Variants in HOOK3 observed in about 807,000 individuals in gnomAD.
The protein encoded by HOOK3 is protein Hook homolog 3.
Under a neutral mutation model 116.3 loss-of-function variants are expected in HOOK3, and 24 were observed. The ratio of observed to expected loss-of-function variants is 0.21; its 90% CI spans 0.15 to 0.29. HOOK3 has a LOEUF of 0.29. Ranked by LOEUF, HOOK3 falls within the 10% of genes least tolerant of loss-of-function variation. The pLI is 1.00. For missense variants in HOOK3, 632 were observed against 830.2 expected (o/e 0.76, Z 2.93); for synonymous variants, 275 against 283.0 (o/e 0.97, Z 0.28).
chr8:43,005,081 A>G (rs1809452790), intron 17 of HOOK3, among the ~76,000 whole-genome samples: 1 of 150,862 alleles, frequency 6.6e-6, no homozygotes, highest in South Asian at 2.1e-4. Context: ...TAATACATCA[A>G]CACAGATGAA....
chr8:42,986,072 T>G (rs547469986), intron 14 of HOOK3, among the ~76,000 whole-genome samples: 1 of 152,338 alleles, frequency 6.6e-6, no homozygotes, highest in East Asian at 1.9e-4. Context: ...TTAATTATAT[T>G]GTCCCTGCAG....
At chr8:42,940,406 G>A (rs1808088483) in intron 4 of HOOK3, among the ~76,000 whole-genome samples, 1 of 152,254 alleles carries the variant, frequency 6.6e-6, no homozygotes, top group Admixed American at 6.5e-5. Context: ...CAGGCAGGGA[G>A]GTTGCAGTGA....
intron 15 of HOOK3, among the ~76,000 whole-genome samples, chr8:42,989,770 T>C (rs1411001232): frequency 6.6e-6 from 1 of 152,132 alleles, no homozygotes; most frequent in Admixed American, 6.6e-5. Context: ...AACCATCCCA[T>C]CTACTCTCAA....
chr8:42,921,175 T>A (rs559089043), intron 2 of HOOK3, among the ~76,000 whole-genome samples: 80 of 151,980 alleles, frequency 5.3e-4, no homozygotes, highest in African/African-American at 1.8e-3. Flanking sequence ...TTTTTTTTTT[T>A]AAAGTAAGGG....
chr8:42,909,128 A>G (rs1032027996), intron 2 of HOOK3, among the ~76,000 whole-genome samples: 2 of 152,258 alleles, frequency 1.3e-5, no homozygotes, highest in Non-Finnish European at 2.9e-5. Context: ...ACCTATCAGA[A>G]TGGCTGTTAT....
Position 42,957,871 on chromosome 8 carries a change from C to T in HOOK3, c.531+715C>T, listed in dbSNP as rs1446394068. ...TTGACACGGAGTCTTGGTCTATCGC[C>T]CAGGCTGGAGTGCAGTGGCGCAATC... is the stretch of plus-strand genomic sequence containing the variant. On this transcript the variant is annotated intron_variant, in intron 7 of 21. Coordinates refer to ENST00000307602, the MANE Select transcript of HOOK3 (RefSeq NM_032410.4). Among the ~76,000 whole-genome samples the T allele has an allele frequency of 2.0e-5, 3 of 150,504 alleles. No homozygotes were observed. The East Asian group carries it at 5.8e-4, about 29-fold the overall frequency.
At chr8:43,005,027 A>C (rs1324460956) in intron 17 of HOOK3, among the ~76,000 whole-genome samples, 13 of 152,066 alleles carry the variant, frequency 8.5e-5, no homozygotes, top group Admixed American at 8.5e-4. Context: ...ATATTCAAAC[A>C]ATAGAATACC....
intron 15 of HOOK3, among the ~76,000 whole-genome samples, chr8:42,988,877 A>G (rs956824778): frequency 5.9e-5 from 9 of 152,296 alleles, no homozygotes; most frequent in Non-Finnish European, 1.2e-4. Context: ...TTTTTCTCCT[A>G]AATGACTTAC....
At chr8:43,008,657 A>ATTTTATT (rs1554516127) in intron 18 of HOOK3, among the ~76,000 whole-genome samples, 4 of 143,810 alleles carry the variant, frequency 2.8e-5, no homozygotes, top group African/African-American at 1.0e-4. Context: ...TTTTATTTTT[A>ATTTTATT]TTTTTATTTT....
intron 1 of HOOK3, among the ~76,000 whole-genome samples, chr8:42,900,161 A>G (rs1465139795): frequency 1.3e-5 from 2 of 152,210 alleles, no homozygotes; most frequent in Non-Finnish European, 2.9e-5. Context: ...GTTAAGTATC[A>G]TCTTACCAAG....
intron 1 of HOOK3, among the ~76,000 whole-genome samples, chr8:42,902,358 AC>A (rs960058524): frequency 6.7e-6 from 1 of 148,960 alleles, no homozygotes; most frequent in African/African-American, 2.5e-5. Flanking sequence ...TGCAGTCCCG[AC>A]CCCCCAGGCT....
At chr8:42,942,910 A>G (rs939183571) in intron 4 of HOOK3, among the ~76,000 whole-genome samples, 5 of 152,106 alleles carry the variant, frequency 3.3e-5, no homozygotes, top group Non-Finnish European at 7.4e-5. Context: ...TGTTTTGGGA[A>G]TCAAGTGGGA....
At chr8:42,986,601 T>TA (rs1218469737) in intron 14 of HOOK3, 54 bp from the exon 15 acceptor site, 9 of 1,412,858 alleles carry the variant, frequency 6.4e-6, no homozygotes, top group African/African-American at 1.4e-5. Context: ...TGTTGTATAT[T>TA]AATGCACCAA....
rs1462734225 is a variant in HOOK3, at chr8:43,025,944, G to C, written c.*7446G>C. On this transcript the variant is annotated 3_prime_UTR_variant, in exon 22 of 22. Coordinates refer to ENST00000307602, the MANE Select transcript of HOOK3 (RefSeq NM_032410.4). ...AATCAGAGGTGTCCACGGCCTCAAA[G>C]TTTGGGCCCATGGGACTATCAAATC... is the stretch of plus-strand genomic sequence containing the variant. 4.8e-6 allele frequency: 1 copy of C among 208,964 alleles called. No homozygotes were observed. The highest frequency in any genetic ancestry group is 9.7e-6 in the Non-Finnish European group (1 of 102,860). The allele number at this position is 208,964 out of a possible 1,614,324, so 12.9% of individuals were successfully genotyped here. A position where few individuals can be genotyped will look rare whatever the true frequency, so the allele number is the denominator to read the frequency against.
chr8:42,942,424 C>G (rs949810280), intron 4 of HOOK3, among the ~76,000 whole-genome samples: 1 of 152,144 alleles, frequency 6.6e-6, no homozygotes, highest in African/African-American at 2.4e-5. Flanking sequence ...TGAATGTCAC[C>G]AGCACCTACC....
chr8:42,946,763 C>CTTTTTTTTTT (rs34564365), intron 5 of HOOK3, among the ~76,000 whole-genome samples: 77 of 73,918 alleles, frequency 1.0e-3, no homozygotes, highest in Non-Finnish European at 1.3e-3. Context: ...CTCTTTCTTT[C>CTTTTTTTTTT]TTTTTTTTTT....
intron 8 of HOOK3, among the ~76,000 whole-genome samples, chr8:42,962,483 T>C (rs1259674597): frequency 1.3e-5 from 2 of 150,504 alleles, no homozygotes; most frequent in African/African-American, 2.4e-5. Flanking sequence ...CGTGGCTCAC[T>C]ATAGCCTCGA....
chr8:42,925,693 T>G, intron 3 of HOOK3, 64 bp downstream of exon 3: 1 of 1,132,174 alleles, frequency 8.8e-7, no homozygotes, highest in Non-Finnish European at 1.3e-6. Context: ...CTGTTGATTT[T>G]TTTTTGTCTG....
chr8:42,906,152 C>A lies in HOOK3; in HGVS notation c.58-21C>A, dbSNP rs373940518. ...AGGTAACCACAGAATCTCTCCCCCC[C>A]CCCTCTTTTTTTCCCTTCAGATCCA... On this transcript the variant is annotated intron_variant, in intron 1 of 21. Coordinates refer to ENST00000307602, the MANE Select transcript of HOOK3 (RefSeq NM_032410.4). 8.0e-5 allele frequency: 88 copies of A among 1,101,820 alleles called. 4 individuals carry two copies. The highest frequency in any genetic ancestry group is 4.1e-4 in the East Asian group (14 of 34,000). 68.3% of individuals were successfully genotyped at this position (1,101,820 alleles called of 1,614,324 possible). A position where few individuals can be genotyped will look rare whatever the true frequency, so the allele number is the denominator to read the frequency against.
Sources: allele counts gnomAD v4.1 joint callset (sites outside exome capture counted in the v4.1 genomes callset), GRCh38; gene constraint gnomAD v4.1.1; transcripts MANE v1.5; gene names NCBI Gene and HGNC (gene_info 2026-07-23, HGNC 2026-07-21).